Variants in OXT observed in about 807,000 individuals in gnomAD.
OXT encodes oxytocin-neurophysin 1 proprotein.
A neutral mutation model predicts 11.2 loss-of-function variants in OXT; 9 were observed. That is an observed-to-expected ratio of 0.80 (90% CI 0.49 to 1.40). The LOEUF (loss-of-function observed/expected upper bound fraction) is 1.40. OXT is among the 40% of genes most tolerant of loss of function. OXT has a pLI of 0.00. For missense variants in OXT, 175 were observed against 178.7 expected (o/e 0.98, Z 0.12); for synonymous variants, 76 against 80.9 (o/e 0.94, Z 0.33).
chr20:3,072,154 C>A lies in OXT; in HGVS notation c.198C>A (p.Phe66Leu). The A allele has an allele frequency of 6.3e-6, 10 of 1,592,280 alleles. No homozygotes were observed. The South Asian group carries it at 1.1e-4, about 18-fold the overall frequency. ...GCTGCGCGGAAGAGCTGGGCTGCTT[C>A]GTGGGCACCGCCGAAGCGCTGCGCT... ...NICCAEELGCFVGTAEALRCQ... is the reference protein window; with the variant it reads ...NICCAEELGCLVGTAEALRCQ... The change falls in exon 2 of 3, where the codon TTC (phenylalanine) becomes TTA (leucine). Residue 66 changes from phenylalanine to leucine, a missense_variant. Physicochemically the swap from Phe to Leu is conservative, Grantham distance 22 (BLOSUM62 0). Transcript: ENST00000217386.
rs760506151 is a variant in OXT at position 3,071,773 on chromosome 20, A to G, written c.118A>G (p.Lys40Glu). ...GGCCGCGCCGGACCTCGACGTGCGC[A>G]AGGTGAGTCCCCAGCCCTGGTCCCG... is the stretch of plus-strand genomic sequence containing the variant. ...KRAAPDLDVR[K>E]CLPCGPGGKG... The change falls in exon 1 of 3, where the codon AAG becomes GAG. Residue 40 changes from lysine (K) to glutamate (E), a missense_variant and splice_region_variant. By Grantham distance (56) the Lys-to-Glu change is moderately conservative (BLOSUM62 1). Transcript: ENST00000217386. This position sits in a 1 kb window ranked among gnomAD's most constrained non-coding sequence, Gnocchi z 4.8. The G allele has an allele frequency of 1.5e-5, 24 of 1,570,968 alleles. No homozygotes were observed. The highest frequency in any genetic ancestry group is 8.6e-7 in the Non-Finnish European group (1 of 1,164,106).
chr20:3,072,027 C>A, intron 1 of OXT, 50 bp from the exon 2 acceptor site: 1 of 1,454,516 alleles, frequency 6.9e-7, no homozygotes, highest in South Asian at 1.4e-5. Flanking sequence ...GTCCTCCGAG[C>A]GAGTCCCCAG....
In OXT at chr20:3,071,931, G is replaced by C; in HGVS notation, c.121-146G>C. 1 of 1,346,870 alleles carries C rather than the reference G, an allele frequency of 7.4e-7. No homozygotes were observed. The highest frequency in any genetic ancestry group is 9.7e-7 in the Non-Finnish European group (1 of 1,032,334). The allele number at this position is 1,346,870 out of a possible 1,614,324, so 83.4% of individuals were successfully genotyped here. A position where few individuals can be genotyped will look rare whatever the true frequency, so the allele number is the denominator to read the frequency against. ...CGGTCGAGGCCCCCACGGCGCCCCA[G>C]CGCGTCTCAGCCCCGCTGTCCCGCC... On this transcript the variant is annotated intron_variant, in intron 1 of 2. Transcript: ENST00000217386. The surrounding 1 kb of genome is among the most constrained non-coding windows in gnomAD (Gnocchi z 4.8).
chr20:3,071,819 G>A lies in OXT; in HGVS notation c.120+44G>A, dbSNP rs767757530. On this transcript the variant is annotated intron_variant, in intron 1 of 2. Transcript: ENST00000217386. This position sits in a 1 kb window ranked among gnomAD's most constrained non-coding sequence, Gnocchi z 4.8. Reference sequence around the variant, plus strand: ...TCCCGCGGCGCTCCGGGGAGGGAGGGACCCGCAGCCACAGGGGCGCGCCCC... The same window carrying A: ...TCCCGCGGCGCTCCGGGGAGGGAGGAACCCGCAGCCACAGGGGCGCGCCCC... 17 of 1,532,616 alleles carry A rather than the reference G, an allele frequency of 1.1e-5. No individual in the cohort carries two copies. The highest frequency in any genetic ancestry group is 2.8e-5 in the African/African-American group (2 of 72,572). The allele number at this position is 1,532,616 out of a possible 1,614,324, so 94.9% of individuals were successfully genotyped here.
rs2066081642 is a variant in OXT at position 3,072,497 on chromosome 20, A to G, written c.*79A>G. On this transcript the variant is annotated 3_prime_UTR_variant, in exon 3 of 3. Coordinates refer to ENST00000217386, the MANE Select transcript of OXT (RefSeq NM_000915.4). Reference sequence around the variant, plus strand: ...ACCCCAGAAATGGTGAAAATAAAATAAAGCAGGTTTTTCTCCTCTACCTTG... The same window carrying G: ...ACCCCAGAAATGGTGAAAATAAAATGAAGCAGGTTTTTCTCCTCTACCTTG... The G allele has an allele frequency of 1.3e-6, 2 of 1,508,718 alleles. No individual in the cohort carries two copies. Among genetic ancestry groups the G allele is most frequent in the East Asian group, 2.3e-5 (1 of 44,216 alleles). The allele number at this position is 1,508,718 out of a possible 1,614,324, so 93.5% of individuals were successfully genotyped here.
At position 3,071,851 on chromosome 20, in the gene OXT, G is replaced by C; in HGVS notation, c.120+76G>C. On this transcript the variant is annotated intron_variant, in intron 1 of 2. Transcript: ENST00000217386. This position sits in a 1 kb window ranked among gnomAD's most constrained non-coding sequence, Gnocchi z 4.8. Reference sequence around the variant, plus strand: ...AGCCACAGGGGCGCGCCCCGCTCCGGCCTCGCCTGAGAACTCCAGGAGCTG... The same window carrying C: ...AGCCACAGGGGCGCGCCCCGCTCCGCCCTCGCCTGAGAACTCCAGGAGCTG... 1 of 1,493,172 alleles carries C rather than the reference G, an allele frequency of 6.7e-7. No homozygotes were observed. The allele number at this position is 1,493,172 out of a possible 1,614,324, so 92.5% of individuals were successfully genotyped here. A position where few individuals can be genotyped will look rare whatever the true frequency, so the allele number is the denominator to read the frequency against.
At position 3,072,205 on chromosome 20, in the gene OXT, G is replaced by T; in HGVS notation, c.249G>T (p.Ser83=). The change falls in exon 2 of 3, where the codon TCG becomes TCT. Residue 83 remains serine, a synonymous_variant. Coordinates refer to ENST00000217386, the MANE Select transcript of OXT (RefSeq NM_000915.4). ...LRCQEENYLP[S]PCQSGQKACG... ...GCCAGGAGGAGAACTACCTGCCGTC[G>T]CCCTGCCAGTCCGGCCAGAAGGCGT... 6.3e-7 allele frequency: 1 copy of T among 1,596,066 alleles called. No homozygotes were observed. The highest frequency in any genetic ancestry group is 1.1e-5 in the South Asian group (1 of 90,324).
chr20:3,071,734 C>T lies in OXT; in HGVS notation c.79C>T (p.Leu27=). 1.3e-6 allele frequency: 2 copies of T among 1,587,668 alleles called. No homozygotes were observed. Among genetic ancestry groups the T allele is most frequent in the Non-Finnish European group, 1.7e-6 (2 of 1,171,340 alleles). Residue 27 remains leucine, a synonymous_variant, in exon 1 of 3, where the codon CTG becomes TTG. Coordinates refer to ENST00000217386, the MANE Select transcript of OXT (RefSeq NM_000915.4). The surrounding 1 kb of genome is among the most constrained non-coding windows in gnomAD (Gnocchi z 4.8). The part of the protein sequence containing the change: ...TSACYIQNCP[L]GGKRAAPDLD... ...CGCCTGCTACATCCAGAACTGCCCCCTGGGAGGCAAGAGGGCCGCGCCGGA... is the reference window on the plus strand; with the variant it reads ...CGCCTGCTACATCCAGAACTGCCCCTTGGGAGGCAAGAGGGCCGCGCCGGA...
rs370932402 is a variant in OXT at position 3,072,099 on chromosome 20, G to C, written c.143G>C (p.Gly48Ala). 3 of 1,547,578 alleles carry C rather than the reference G, an allele frequency of 1.9e-6. No homozygotes were observed. The highest frequency in any genetic ancestry group is 1.8e-4 in the Middle Eastern group (1 of 5,578). The change falls in exon 2 of 3, where the codon GGC becomes GCC. Residue 48 changes from glycine (G) to alanine (A), a missense_variant. Transcript: ENST00000217386. ...VRKCLPCGPG[G>A]KGRCFGPNIC... ...CAGTGCCTCCCCTGCGGCCCCGGGG[G>C]CAAAGGCCGCTGCTTCGGGCCCAAT...
Position 3,072,130 on chromosome 20 carries a change from C to A in OXT, c.174C>A (p.Cys58Ter). The stretch of plus-strand genomic sequence containing the variant: ...GCCGCTGCTTCGGGCCCAATATCTG[C>A]TGCGCGGAAGAGCTGGGCTGCTTCG... ...GKGRCFGPNICCAEELGCFVG... is the reference protein window; with the variant it reads ...GKGRCFGPNI Residue 58 changes from cysteine (C) to a stop codon, truncating the protein, a stop_gained, in exon 2 of 3, where the codon TGC (cysteine) becomes TGA (stop). Transcript: ENST00000217386. LOFTEE classifies it high-confidence loss of function. 6 of 1,582,258 alleles carry A rather than the reference C, an allele frequency of 3.8e-6. No individual in the cohort carries two copies. Among genetic ancestry groups the A allele is most frequent in the Non-Finnish European group, 5.1e-6 (6 of 1,171,804 alleles).
chr20:3,071,945 C>G lies in OXT; in HGVS notation c.121-132C>G. On this transcript the variant is annotated intron_variant, in intron 1 of 2. Transcript: ENST00000217386. The surrounding 1 kb of genome is among the most constrained non-coding windows in gnomAD (Gnocchi z 4.8). ...ACGGCGCCCCAGCGCGTCTCAGCCCCGCTGTCCCGCCCGAACTCCGAACCC... is the reference window on the plus strand; with the variant it reads ...ACGGCGCCCCAGCGCGTCTCAGCCCGGCTGTCCCGCCCGAACTCCGAACCC... 1 of 1,352,182 alleles carries G rather than the reference C, an allele frequency of 7.4e-7. No individual in the cohort carries two copies. The highest frequency in any genetic ancestry group is 9.6e-7 in the Non-Finnish European group (1 of 1,039,736). 83.8% of individuals were successfully genotyped at this position (1,352,182 alleles called of 1,614,324 possible).
At position 3,071,875 on chromosome 20, in the gene OXT, T is replaced by C; in HGVS notation, c.120+100T>C. 1 of 1,430,558 alleles carries C rather than the reference T, an allele frequency of 7.0e-7. No homozygotes were observed. The highest frequency in any genetic ancestry group is 9.1e-7 in the Non-Finnish European group (1 of 1,095,590). 88.6% of individuals were successfully genotyped at this position (1,430,558 alleles called of 1,614,324 possible). ...GGCCTCGCCTGAGAACTCCAGGAGC[T>C]GAGCGGATTTTGACGCCCCGCCCTT... On this transcript the variant is annotated intron_variant, in intron 1 of 2. Coordinates refer to ENST00000217386, the MANE Select transcript of OXT (RefSeq NM_000915.4). The surrounding 1 kb of genome is among the most constrained non-coding windows in gnomAD (Gnocchi z 4.8).
intron 1 of OXT, 31 bp from the exon 2 acceptor site, chr20:3,072,046 C>G: frequency 6.7e-7 from 1 of 1,489,500 alleles, no homozygotes; most frequent in Non-Finnish European, 8.9e-7. Flanking sequence ...AGCGCCGCCC[C>G]GGCTCCCGCT....
Position 3,072,415 on chromosome 20 carries a change from C to G in OXT, c.375C>G (p.Arg125=), listed in dbSNP as rs1403327722. 1 of 1,612,884 alleles carries G rather than the reference C, an allele frequency of 6.2e-7. No individual in the cohort carries two copies. The highest frequency in any genetic ancestry group is 8.5e-7 in the Non-Finnish European group (1 of 1,179,996). The change falls in exon 3 of 3, where the codon CGC becomes CGG. Residue 125 remains arginine (R), a synonymous_variant. Transcript: ENST00000217386. ...ACDAEATFSQ[R] ...ACGCGGAAGCCACCTTCTCCCAGCG[C>G]TGAAACTTGATGGCTCCGAACACCC...
At position 3,072,383 on chromosome 20, in the gene OXT, G is replaced by C; in HGVS notation, c.343G>C (p.Ala115Pro). 1 of 1,611,910 alleles carries C rather than the reference G, an allele frequency of 6.2e-7. No homozygotes were observed. The highest frequency in any genetic ancestry group is 8.5e-7 in the Non-Finnish European group (1 of 1,180,000). ...TCCAGACGGCTGCCACGCCGACCCT[G>C]CCTGCGACGCGGAAGCCACCTTCTC... ...CSPDGCHADP[A>P]CDAEATFSQR Residue 115 changes from alanine (A) to proline (P), a missense_variant, in exon 3 of 3, where the codon GCC (alanine) becomes CCC (proline). By Grantham distance (27) the Ala-to-Pro change is conservative. Transcript: ENST00000217386.
In OXT at chr20:3,072,141, A is replaced by G. The variant is rs1415463532; in HGVS notation, c.185A>G (p.Glu62Gly). Residue 62 changes from glutamate to glycine, a missense_variant, in exon 2 of 3, where the codon GAG becomes GGG. By Grantham distance (98) the Glu-to-Gly change is moderately conservative. Coordinates refer to ENST00000217386, the MANE Select transcript of OXT (RefSeq NM_000915.4). ...GGGCCCAATATCTGCTGCGCGGAAG[A>G]GCTGGGCTGCTTCGTGGGCACCGCC... The part of the protein sequence containing the change: ...CFGPNICCAE[E>G]LGCFVGTAEA... 4.4e-6 allele frequency: 7 copies of G among 1,588,234 alleles called. No homozygotes were observed. Among genetic ancestry groups the G allele is most frequent in the Non-Finnish European group, 6.0e-6 (7 of 1,174,374 alleles).
chr20:3,071,900 T>C lies in OXT; in HGVS notation c.120+125T>C. The C allele has an allele frequency of 7.2e-7, 1 of 1,382,890 alleles. No individual in the cohort carries two copies. The highest frequency in any genetic ancestry group is 9.4e-7 in the Non-Finnish European group (1 of 1,060,584). The allele number at this position is 1,382,890 out of a possible 1,614,324, so 85.7% of individuals were successfully genotyped here. A position where few individuals can be genotyped will look rare whatever the true frequency, so the allele number is the denominator to read the frequency against. On this transcript the variant is annotated intron_variant, in intron 1 of 2. Transcript: ENST00000217386. This position sits in a 1 kb window ranked among gnomAD's most constrained non-coding sequence, Gnocchi z 4.8. ...TGAGCGGATTTTGACGCCCCGCCCT[T>C]GACCGCGGTCGAGGCCCCCACGGCG... is the stretch of plus-strand genomic sequence containing the variant.
At chr20:3,072,311 G>A in intron 2 of OXT, 33 bp downstream of exon 2, 5 of 1,600,568 alleles carry the variant, frequency 3.1e-6, no homozygotes, top group South Asian at 2.2e-5. Flanking sequence ...GGGCCAGGGG[G>A]AGGCGGGCGG....
Position 3,071,904 on chromosome 20 carries a change from C to G in OXT, c.120+129C>G, listed in dbSNP as rs1315222340. Reference sequence around the variant, plus strand: ...CGGATTTTGACGCCCCGCCCTTGACCGCGGTCGAGGCCCCCACGGCGCCCC... The same window carrying G: ...CGGATTTTGACGCCCCGCCCTTGACGGCGGTCGAGGCCCCCACGGCGCCCC... On this transcript the variant is annotated intron_variant, in intron 1 of 2. Transcript: ENST00000217386. This position sits in a 1 kb window ranked among gnomAD's most constrained non-coding sequence, Gnocchi z 4.8. The G allele has an allele frequency of 7.3e-7, 1 of 1,375,162 alleles. No homozygotes were observed. The highest frequency in any genetic ancestry group is 9.5e-7 in the Non-Finnish European group (1 of 1,054,260). 85.2% of individuals were successfully genotyped at this position (1,375,162 alleles called of 1,614,324 possible).
Sources: allele counts gnomAD v4.1 joint callset, GRCh38; gene constraint gnomAD v4.1.1; non-coding constraint Gnocchi (gnomAD v3.1); transcripts MANE v1.5; gene names NCBI Gene and HGNC (gene_info 2026-07-23, HGNC 2026-07-21).